The following AKAP13 variants were observed in gnomAD, a reference collection of about 807,000 sequenced individuals.
AKAP13 encodes the protein A-kinase anchor protein 13.
In AKAP13, 80 loss-of-function variants were observed where a neutral mutation model predicts 264.5. The ratio of observed to expected loss-of-function variants is 0.30; its 90% CI spans 0.25 to 0.36. AKAP13 has a LOEUF of 0.36. Ranked by LOEUF, AKAP13 falls within the 10% of genes least tolerant of loss-of-function variation. AKAP13 has a pLI of 1.00. For missense variants in AKAP13, 3,712 were observed against 3,435.2 expected, an observed-to-expected ratio of 1.08 and a Z score of -2.01; for synonymous variants, 1,380 against 1,250.2, an observed-to-expected ratio of 1.10 and a Z score of -2.19.
chr15:85,581,417 A>G lies in AKAP13; in HGVS notation c.3349A>G (p.Ile1117Val). The G allele has an allele frequency of 6.2e-7, 1 of 1,614,212 alleles. No homozygotes were observed. The highest frequency in any genetic ancestry group is 8.5e-7 in the Non-Finnish European group (1 of 1,180,032). ...ATCACACAACACCCAAGACATCCTG[A>G]TTCCAAACGTCTTGTTGAGCCAAGA... ...NISHNTQDIL[I>V]PNVLLSQEKN... The change falls in exon 7 of 37, where the codon ATT (isoleucine) becomes GTT (valine). Residue 1117 changes from isoleucine (I) to valine (V), a missense_variant. By Grantham distance (29) the Ile-to-Val change is conservative. Around this residue, in one of 3 missense-constraint regions of AKAP13, gnomAD observed 2,759 missense variants for 2,411.7 expected, o/e 1.14. Coordinates refer to ENST00000394518, the MANE Select transcript of AKAP13 (RefSeq NM_007200.5).
intron 1 of AKAP13, among the ~76,000 whole-genome samples, chr15:85,453,953 T>G (rs931640675): frequency 2.0e-4 from 30 of 152,226 alleles, no homozygotes; most frequent in African/African-American, 6.3e-4. Context: ...CCTTCTGTTC[T>G]GGGTCAGCAC....
chr15:85,415,153 A>G (rs948018902), intron 1 of AKAP13: 2 of 849,290 alleles, frequency 2.4e-6, no homozygotes, highest in Non-Finnish European at 3.8e-6. Flanking sequence ...ACCTTTAAAA[A>G]AAAATGAGAT....
intron 1 of AKAP13, among the ~76,000 whole-genome samples, chr15:85,456,029 T>C (rs572560260): frequency 6.6e-6 from 1 of 152,310 alleles, no homozygotes; most frequent in East Asian, 1.9e-4. Context: ...TTTATATACT[T>C]TCACACATCA....
chr15:85,609,549 G>A (rs982582686), intron 8 of AKAP13, among the ~76,000 whole-genome samples: 3 of 152,050 alleles, frequency 2.0e-5, no homozygotes, highest in Admixed American at 1.3e-4. Flanking sequence ...TCTGTACCTT[G>A]GCTATTGCAA....
intron 8 of AKAP13, among the ~76,000 whole-genome samples, chr15:85,604,225 C>T (rs1454468563): frequency 1.3e-5 from 2 of 152,146 alleles, no homozygotes; most frequent in Non-Finnish European, 1.5e-5. Context: ...TTCCTATTTA[C>T]ATAATAAATA....
Position 85,585,804 on chromosome 15 carries a change from A to G in AKAP13, c.4142A>G (p.Gln1381Arg), listed in dbSNP as rs1480139100. The part of the protein sequence containing the change: ...GSIAATLKMK[Q>R]GPMTQAINRE... ...ATAGCTGCTACACTGAAGATGAAGC[A>G]AGGCCCAATGACCCAGGCGGTAAGT... Residue 1381 changes from glutamine to arginine, a missense_variant, in exon 8 of 37, where the codon CAA becomes CGA. Physicochemically the swap from Gln to Arg is conservative, Grantham distance 43. Coordinates refer to ENST00000394518, the MANE Select transcript of AKAP13 (RefSeq NM_007200.5). 3.1e-6 allele frequency: 5 copies of G among 1,614,042 alleles called. No homozygotes were observed. In the Admixed American group the frequency reaches 6.7e-5, roughly 22 times the overall value.
chr15:85,682,032 G>C, intron 14 of AKAP13, 126 bp from the exon 15 acceptor site: 1 of 797,212 alleles, frequency 1.3e-6, no homozygotes, highest in South Asian at 1.5e-5. Context: ...AGAAGGAGGA[G>C]GTACCATGTG....
chr15:85,739,169 T>C (rs2088775937), intron 33 of AKAP13, among the ~76,000 whole-genome samples: 1 of 152,244 alleles, frequency 6.6e-6, no homozygotes, highest in African/African-American at 2.4e-5. Flanking sequence ...ACATTGTTTT[T>C]TCACAGCTCT....
At chr15:85,602,490 T>C (rs947425887) in intron 8 of AKAP13, among the ~76,000 whole-genome samples, 9 of 151,440 alleles carry the variant, frequency 5.9e-5, no homozygotes, top group Admixed American at 2.0e-4. Context: ...CTATCTCATA[T>C]ATATATATTT....
At chr15:85,668,922 G>A (rs755250654) in intron 13 of AKAP13, among the ~76,000 whole-genome samples, 13 of 151,970 alleles carry the variant, frequency 8.6e-5, no homozygotes, top group African/African-American at 2.4e-4. Flanking sequence ...CAGCCTGGGC[G>A]ACACAGTGAG....
chr15:85,710,436 G>T (rs1597138953), intron 18 of AKAP13, 143 bp from the exon 19 acceptor site: 1 of 641,328 alleles, frequency 1.6e-6, no homozygotes, highest in Non-Finnish European at 2.6e-6. Flanking sequence ...AATTGGGGGC[G>T]ACCGTGGCTG....
chr15:85,567,663 C>T (rs1383408255), intron 5 of AKAP13, among the ~76,000 whole-genome samples: 3 of 151,982 alleles, frequency 2.0e-5, no homozygotes, highest in East Asian at 1.9e-4. Context: ...TGTGCATGTC[C>T]GGTTCTGCTT....
intron 2 of AKAP13, among the ~76,000 whole-genome samples, chr15:85,499,701 C>T (rs2075988511): frequency 6.6e-6 from 1 of 151,238 alleles, no homozygotes; most frequent in African/African-American, 2.5e-5. Context: ...ACTTATCTTT[C>T]AGGATTCATT....
chr15:85,585,820 G>C lies in AKAP13; in HGVS notation c.4158G>C (p.Gln1386His), dbSNP rs769345802. The change falls in exon 8 of 37, where the codon CAG becomes CAC. Residue 1386 changes from glutamine to histidine, a missense_variant. By Grantham distance (24) the Gln-to-His change is conservative. Coordinates refer to ENST00000394518, the MANE Select transcript of AKAP13 (RefSeq NM_007200.5). Reference sequence around the variant, plus strand: ...AGATGAAGCAAGGCCCAATGACCCAGGCGGTAAGTGGCATCAGTAAGTCTA... The same window carrying C: ...AGATGAAGCAAGGCCCAATGACCCACGCGGTAAGTGGCATCAGTAAGTCTA... ...TLKMKQGPMTQAINRENWCTI... is the reference protein window; with the variant it reads ...TLKMKQGPMTHAINRENWCTI... The C allele has an allele frequency of 1.9e-6, 3 of 1,613,856 alleles. No homozygotes were observed. The highest frequency in any genetic ancestry group is 2.5e-6 in the Non-Finnish European group (3 of 1,179,942).
intron 1 of AKAP13, among the ~76,000 whole-genome samples, chr15:85,384,259 T>C (rs905240039): frequency 1.3e-5 from 2 of 152,262 alleles, no homozygotes; most frequent in African/African-American, 2.4e-5. Flanking sequence ...AGTTGGACTT[T>C]TGATGTTCCC....
chr15:85,635,931 T>C (rs971131052), intron 8 of AKAP13, among the ~76,000 whole-genome samples: 2 of 152,242 alleles, frequency 1.3e-5, no homozygotes, highest in African/African-American at 4.8e-5. Context: ...TTGATCTATA[T>C]GTCTGCTGTT....
chr15:85,446,491 C>G (rs936069923), intron 1 of AKAP13, among the ~76,000 whole-genome samples: 3 of 152,136 alleles, frequency 2.0e-5, no homozygotes, highest in Non-Finnish European at 4.4e-5. Flanking sequence ...ACTAGGATGT[C>G]TAGCAGGCAC....
intron 30 of AKAP13, among the ~76,000 whole-genome samples, chr15:85,732,655 T>C (rs76089201): frequency 0.068 from 10,197 of 150,424 alleles, 362 homozygotes; most frequent in African/African-American, 0.1. Flanking sequence ...CAAATCCTTG[T>C]TCTTAAGGAT....
chr15:85,509,729 C>A (rs1426128611), intron 2 of AKAP13, among the ~76,000 whole-genome samples: 3 of 152,198 alleles, frequency 2.0e-5, no homozygotes, highest in Non-Finnish European at 2.9e-5. Context: ...CAAGGGATAG[C>A]ACTTCAGGGT....
Sources: gnomAD v4.1 joint callset for allele counts (sites outside exome capture counted in the v4.1 genomes callset) on GRCh38, gnomAD v4.1.1 for gene constraint, gnomAD v4.1.1 regional missense constraint, MANE v1.5 for transcripts, NCBI Gene and HGNC (gene_info 2026-07-23, HGNC 2026-07-21) for gene names.